The following TXNDC12 variants were observed in gnomAD, a reference collection of about 807,000 sequenced individuals.
TXNDC12 encodes the protein thioredoxin domain-containing protein 12.
A neutral mutation model predicts 24.2 loss-of-function variants in TXNDC12; 22 were observed. That is an observed-to-expected ratio of 0.91 (90% confidence interval 0.65 to 1.30). The LOEUF (loss-of-function observed/expected upper bound fraction) is 1.30. Ranked by LOEUF, TXNDC12 falls within the 50% of genes most tolerant of loss-of-function variation. The pLI, the probability that TXNDC12 is intolerant of heterozygous loss-of-function variation, is 0.00. For synonymous variants in TXNDC12, 58 were observed against 73.4 expected (o/e 0.79, Z 1.07); for missense variants, 184 against 205.8 (o/e 0.89, Z 0.65).
At position 52,020,732 on chromosome 1, in the gene TXNDC12, T is replaced by G. The variant is rs2124354108; in HGVS notation, c.*201A>C. ...TGAGAGGGAAAAGGAGAAGAAAGTC[T>G]GCCACTCTCCGCTGGATCCACAAAC... On this transcript the variant is annotated 3_prime_UTR_variant, in exon 7 of 7. Coordinates refer to ENST00000371626, the MANE Select transcript of TXNDC12 (RefSeq NM_015913.4). 1 of 510,478 alleles carries G rather than the reference T, an allele frequency of 2.0e-6. No homozygotes were observed. Among genetic ancestry groups the G allele is most frequent in the South Asian group, 3.5e-5 (1 of 28,824 alleles). 31.6% of individuals were successfully genotyped at this position (510,478 alleles called of 1,614,324 possible). A position where few individuals can be genotyped will look rare whatever the true frequency, so the allele number is the denominator to read the frequency against.
intron 6 of TXNDC12, 158 bp downstream of exon 6, chr1:52,023,333 C>T: frequency 1.8e-6 from 1 of 553,150 alleles, no homozygotes; most frequent in Non-Finnish European, 3.2e-6. Context: ...TCAGTCTCAT[C>T]TTCCTCCTAT....
chr1:52,051,452 T>C (rs1239151403), intron 1 of TXNDC12, among the ~76,000 whole-genome samples: 1 of 152,220 alleles, frequency 6.6e-6, no homozygotes, highest in Non-Finnish European at 1.5e-5. Context: ...CTTGGCTCAC[T>C]GCAACCTCCG....
At chr1:52,036,849 C>G (rs1208085532) in intron 2 of TXNDC12, among the ~76,000 whole-genome samples, 1 of 152,180 alleles carries the variant, frequency 6.6e-6, no homozygotes, top group East Asian at 1.9e-4. Context: ...TATCCAAGAT[C>G]ATATCTTAAA....
rs531494132 is a variant in TXNDC12 at position 52,025,931 on chromosome 1, C to A, written c.285+1344G>T. ...TGCAACCTCTGCCTCCTGGGTCAAGCGATTCTCCTGCCTCAGGCTCCCTAG... is the reference window on the plus strand; with the variant it reads ...TGCAACCTCTGCCTCCTGGGTCAAGAGATTCTCCTGCCTCAGGCTCCCTAG... On this transcript the variant is annotated intron_variant, in intron 4 of 6. Coordinates refer to ENST00000371626, the MANE Select transcript of TXNDC12 (RefSeq NM_015913.4). Among the ~76,000 whole-genome samples, 4 of 151,568 alleles carry A rather than the reference C, an allele frequency of 2.6e-5. No homozygotes were observed. The South Asian group carries it at 8.4e-4, about 32-fold the overall frequency.
At chr1:52,024,073 C>T (rs1685639217) in intron 5 of TXNDC12, among the ~76,000 whole-genome samples, 1 of 151,682 alleles carries the variant, frequency 6.6e-6, no homozygotes, top group South Asian at 2.1e-4. Flanking sequence ...TGGCTCACTG[C>T]AGCCTTGACC....
intron 1 of TXNDC12, among the ~76,000 whole-genome samples, chr1:52,045,705 T>G (rs759063403): frequency 2.0e-5 from 3 of 152,204 alleles, no homozygotes; most frequent in African/African-American, 4.8e-5. Context: ...TGAACCCGAA[T>G]GTAAACTAGG....
intron 1 of TXNDC12, among the ~76,000 whole-genome samples, chr1:52,045,253 G>A (rs1331309730): frequency 6.6e-6 from 1 of 152,200 alleles, no homozygotes; most frequent in Non-Finnish European, 1.5e-5. Flanking sequence ...TTCTGGGGGA[G>A]AGAGATGAAT....
chr1:52,037,325 G>T (rs2124376995), intron 2 of TXNDC12, among the ~76,000 whole-genome samples: 1 of 149,560 alleles, frequency 6.7e-6, no homozygotes, highest in Non-Finnish European at 1.5e-5. Context: ...CAATTCTCCT[G>T]CCTCAGCCTC....
chr1:52,051,119 T>C (rs1686191749), intron 1 of TXNDC12, among the ~76,000 whole-genome samples: 3 of 152,172 alleles, frequency 2.0e-5, no homozygotes, highest in Admixed American at 1.3e-4. Flanking sequence ...AGTCAATACA[T>C]GAAAAATGCA....
intron 1 of TXNDC12, among the ~76,000 whole-genome samples, chr1:52,046,582 C>T (rs998534227): frequency 4.6e-5 from 7 of 151,992 alleles, no homozygotes; most frequent in African/African-American, 1.5e-4. Context: ...ACAACTCTTT[C>T]AAAAAATTTT....
At chr1:52,041,693 G>T in intron 1 of TXNDC12, 96 bp from the exon 2 acceptor site, 1 of 752,690 alleles carries the variant, frequency 1.3e-6, no homozygotes. Context: ...CACTAAGAAG[G>T]TTTTCTTCTG....
intron 2 of TXNDC12, among the ~76,000 whole-genome samples, 197 bp downstream of exon 2, chr1:52,041,338 GAA>G (rs111745022): frequency 9.9e-6 from 1 of 101,108 alleles, no homozygotes. Context: ...ATCTCAAAAA[GAA>G]AAAAAAAAAA....
intron 1 of TXNDC12, among the ~76,000 whole-genome samples, chr1:52,042,500 AC>A (rs1455980776): frequency 1.4e-5 from 2 of 148,036 alleles, no homozygotes; most frequent in Non-Finnish European, 3.0e-5. Flanking sequence ...TCTCTCTGTC[AC>A]CCAGGCTAGA....
chr1:52,046,823 C>T (rs1207076956), intron 1 of TXNDC12, among the ~76,000 whole-genome samples: 1 of 148,010 alleles, frequency 6.8e-6, no homozygotes, highest in African/African-American at 2.5e-5. Flanking sequence ...CAAGACCATC[C>T]TGGCCAACAT....
rs1222404215 is a variant in TXNDC12 at position 52,046,861 on chromosome 1, AAAAAAAT to A, written c.98-5271_98-5265del. Among the ~76,000 whole-genome samples the A allele has an allele frequency of 2.5e-3, 185 of 74,486 alleles. 3 individuals carry two copies. Among genetic ancestry groups the A allele is most frequent in the African/African-American group, 0.011 (162 of 15,410 alleles). The allele number at this position is 74,486 out of a possible 152,430, so 48.9% of individuals were successfully genotyped here. On this transcript the variant is annotated intron_variant, in intron 1 of 6. Coordinates refer to ENST00000371626, the MANE Select transcript of TXNDC12 (RefSeq NM_015913.4). ...TGAAACCCCATCTCTACTAAAAAAA[AAAAAAAT>A]ATATATATATATATATATATATATA...
intron 3 of TXNDC12, among the ~76,000 whole-genome samples, chr1:52,027,783 ATATGT>A (rs1685694671): frequency 6.7e-6 from 1 of 149,520 alleles, no homozygotes; most frequent in South Asian, 2.1e-4. Flanking sequence ...TATATGTTAT[ATATGT>A]TATGTATATA....
intron 6 of TXNDC12, 85 bp from the exon 7 acceptor site, chr1:52,021,097 G>C: frequency 1.9e-6 from 2 of 1,028,746 alleles, no homozygotes; most frequent in African/African-American, 3.2e-5. Flanking sequence ...AAATGTTTCA[G>C]AAGAAATATG....
chr1:52,032,432 T>A (rs1685779058), intron 2 of TXNDC12: 1 of 1,220,556 alleles, frequency 8.2e-7, no homozygotes, highest in Admixed American at 4.0e-5. Flanking sequence ...GGATCCAATC[T>A]AGGTAATCCC....
At chr1:52,025,997 T>G (rs1428571124) in intron 4 of TXNDC12, among the ~76,000 whole-genome samples, 12 of 151,598 alleles carry the variant, frequency 7.9e-5, no homozygotes, top group African/African-American at 2.4e-5. Flanking sequence ...CCCAGCTAAT[T>G]TTTTTGTATT....
Sources: allele counts gnomAD v4.1 joint callset (sites outside exome capture counted in the v4.1 genomes callset), GRCh38; gene constraint gnomAD v4.1.1; transcripts MANE v1.5; gene names NCBI Gene and HGNC (gene_info 2026-07-23, HGNC 2026-07-21).